ARHGEF3: variants seen among roughly 807,000 people sequenced by gnomAD.
The protein encoded by ARHGEF3 is 59.8 kDA protein.
A neutral mutation model predicts 63.2 loss-of-function variants in ARHGEF3; 28 were observed. The observed-to-expected ratio is 0.44, with a 90% CI of 0.33 to 0.61. The LOEUF (loss-of-function observed/expected upper bound fraction) is 0.61. Among genes scored for constraint, ARHGEF3 ranks in the 20% least tolerant of loss-of-function variants. ARHGEF3 has a pLI of 0.03. For missense variants in ARHGEF3, 533 were observed against 659.3 expected, an observed-to-expected ratio of 0.81 and a Z score of 2.10; for synonymous variants, 266 against 254.2, an observed-to-expected ratio of 1.05 and a Z score of -0.44.
chr3:56,994,064 CAA>C (rs60299557), intron 2 of ARHGEF3, among the ~76,000 whole-genome samples: 802 of 59,700 alleles, frequency 0.013, 20 homozygotes, highest in African/African-American at 0.05. Flanking sequence ...AACTTCGTCT[CAA>C]AAAAAAAAAA....
intron 1 of ARHGEF3, among the ~76,000 whole-genome samples, chr3:56,791,128 A>AGTGGTGGCTT (rs2037057123): frequency 6.6e-6 from 1 of 152,120 alleles, no homozygotes; most frequent in Non-Finnish European, 1.5e-5. Context: ...CGTGGCCAGA[A>AGTGGTGGCTT]GTGGTGGCTT....
intron 1 of ARHGEF3, among the ~76,000 whole-genome samples, chr3:57,059,961 A>G (rs529047601): frequency 6.6e-6 from 1 of 152,152 alleles, no homozygotes; most frequent in Admixed American, 6.6e-5. Flanking sequence ...ACGCCATTGC[A>G]CTCCAGCCTG....
intron 4 of ARHGEF3, among the ~76,000 whole-genome samples, chr3:56,816,826 T>C (rs2038290938): frequency 6.6e-6 from 1 of 152,188 alleles, no homozygotes; most frequent in African/African-American, 2.4e-5. Flanking sequence ...GGAACGTTAA[T>C]TCACAGGCCA....
intron 2 of ARHGEF3, among the ~76,000 whole-genome samples, chr3:56,971,974 A>G: frequency 6.6e-6 from 1 of 152,034 alleles, no homozygotes; most frequent in East Asian, 1.9e-4. Flanking sequence ...CCCACAGCAC[A>G]TTCATATCCC....
At chr3:56,853,863 G>A (rs2039766204) in intron 4 of ARHGEF3, among the ~76,000 whole-genome samples, 1 of 152,118 alleles carries the variant, frequency 6.6e-6, no homozygotes, top group Admixed American at 6.5e-5. Context: ...GGTCACCTCT[G>A]TTTGAGGGTC....
chr3:56,916,219 C>G (rs961127900), intron 3 of ARHGEF3: 423 of 1,457,364 alleles, frequency 2.9e-4, no homozygotes, highest in Non-Finnish European at 3.6e-4. Flanking sequence ...ACACTGCATC[C>G]TCCCACACCT....
intron 4 of ARHGEF3, among the ~76,000 whole-genome samples, chr3:56,833,256 CT>C (rs905449932): frequency 6.6e-6 from 1 of 152,258 alleles, no homozygotes; most frequent in South Asian, 2.1e-4. Flanking sequence ...AACACTTCTT[CT>C]TTTTTATTTC....
chr3:57,047,888 G>C (rs1704525390), intron 1 of ARHGEF3, among the ~76,000 whole-genome samples: 1 of 151,950 alleles, frequency 6.6e-6, no homozygotes, highest in South Asian at 2.1e-4. Flanking sequence ...AAGAAGTGGG[G>C]GAAAGATACA....
At chr3:56,802,851 A>G (rs754323009), upstream of ARHGEF3, among the ~76,000 whole-genome samples, 2 of 152,238 alleles carry the variant, frequency 1.3e-5, no homozygotes, top group Non-Finnish European at 2.9e-5. Context: ...AAACAATGGT[A>G]ATATATCCAT....
intron 1 of ARHGEF3, among the ~76,000 whole-genome samples, chr3:56,798,360 GAA>G (rs1033284524): frequency 3.9e-5 from 6 of 152,108 alleles, no homozygotes; most frequent in Admixed American, 1.3e-4. Flanking sequence ...TTTTAAAACT[GAA>G]AGTAAGTTGT....
intron 3 of ARHGEF3, among the ~76,000 whole-genome samples, chr3:56,891,443 A>G (rs2041118144): frequency 1.3e-5 from 2 of 151,398 alleles, no homozygotes; most frequent in African/African-American, 4.9e-5. Flanking sequence ...GTGTGCTGAC[A>G]GGGTGGAGAA....
intron 1 of ARHGEF3, among the ~76,000 whole-genome samples, chr3:56,782,039 C>T (rs2036589876): frequency 1.3e-5 from 2 of 152,156 alleles, no homozygotes; most frequent in Admixed American, 1.3e-4. Context: ...AGGAGTAAGA[C>T]TGTGGGTACA....
chr3:57,001,919 T>TG (rs1240849933), intron 2 of ARHGEF3, among the ~76,000 whole-genome samples: 1 of 62,724 alleles, frequency 1.6e-5, no homozygotes, highest in Admixed American at 1.5e-4. Flanking sequence ...GAGATAGTTT[T>TG]TTTTTTTTTT....
chr3:57,026,744 C>T (rs1703492007), intron 2 of ARHGEF3, among the ~76,000 whole-genome samples: 1 of 152,206 alleles, frequency 6.6e-6, no homozygotes, highest in Non-Finnish European at 1.5e-5. Flanking sequence ...CATGGTGCCA[C>T]CTGAGTGCTG....
At chr3:56,974,073 A>G (rs9866798) in intron 2 of ARHGEF3, among the ~76,000 whole-genome samples, 40,465 of 151,960 alleles carry the variant, frequency 0.27, 5,804 homozygotes, top group Middle Eastern at 0.39. Context: ...GCGACAGATC[A>G]AGACTCTGTC....
chr3:56,847,938 T>C (rs1265105446), intron 4 of ARHGEF3, among the ~76,000 whole-genome samples: 1 of 152,150 alleles, frequency 6.6e-6, no homozygotes, highest in Non-Finnish European at 1.5e-5. Flanking sequence ...TGCAGTGCTA[T>C]GCACTGTGGT....
chr3:57,075,016 T>C lies in ARHGEF3; in HGVS notation c.-28+4210A>G, dbSNP rs73099731. On this transcript the variant is annotated intron_variant, in intron 1 of 12. Coordinates refer to the ARHGEF3 transcript ENST00000338458. ...TCCCCTTCTGCAGTGAGATAGACCA[T>C]GTCCAGTGCTCAGGAGTTGACTGGC... The C allele has an allele frequency of 3.5e-3, 583 of 167,286 alleles. 2 individuals are homozygous for C. The highest frequency in any genetic ancestry group is 6.2e-3 in the Non-Finnish European group (421 of 68,210). 10.4% of individuals were successfully genotyped at this position (167,286 alleles called of 1,614,324 possible). A position where few individuals can be genotyped will look rare whatever the true frequency, so the allele number is the denominator to read the frequency against.
At chr3:56,741,496 CTTTTTTTTTTTTT>C (rs71072191) in intron 7 of ARHGEF3, among the ~76,000 whole-genome samples, 33 of 50,536 alleles carry the variant, frequency 6.5e-4, no homozygotes, top group Middle Eastern at 0.02. Flanking sequence ...TACATTGGTT[CTTTTTTTTTTTTT>C]TTTTTTTTTT....
chr3:57,050,591 G>A (rs1481398335), intron 1 of ARHGEF3, among the ~76,000 whole-genome samples: 1 of 152,186 alleles, frequency 6.6e-6, no homozygotes, highest in African/African-American at 2.4e-5. Flanking sequence ...ATAATGGTGG[G>A]GGAAAAGCCA....
Sources: gnomAD v4.1 joint callset for allele counts (sites outside exome capture counted in the v4.1 genomes callset) on GRCh38, gnomAD v4.1.1 for gene constraint, MANE v1.5 for transcripts, NCBI Gene and HGNC (gene_info 2026-07-23, HGNC 2026-07-21) for gene names.